PDE1A: variants seen among roughly 807,000 people sequenced by gnomAD.
The protein encoded by PDE1A is dual specificity calcium/calmodulin-dependent 3',5'-cyclic nucleotide phosphodiesterase 1A.
Under a neutral mutation model 61.7 loss-of-function variants are expected in PDE1A, and 35 were observed. That is an observed-to-expected ratio of 0.57 (90% CI 0.43 to 0.75). The LOEUF is 0.75. Among genes scored for constraint, PDE1A ranks in the 30% least tolerant of loss-of-function variants. The pLI, the probability that PDE1A is intolerant of heterozygous loss-of-function variation, is 0.00. For missense variants in PDE1A, 597 were observed against 630.6 expected, an observed-to-expected ratio of 0.95 and a Z score of 0.57; for synonymous variants, 232 against 213.2, an observed-to-expected ratio of 1.09 and a Z score of -0.77.
chr2:182,296,839 T>C (rs1160301423), intron 1 of PDE1A, among the ~76,000 whole-genome samples: 1 of 152,192 alleles, frequency 6.6e-6, no homozygotes, highest in Non-Finnish European at 1.5e-5. Context: ...ATCAATCCAT[T>C]GAAGGCCTGA....
the PDE1A span, among the ~76,000 whole-genome samples, chr2:182,553,329 C>T: frequency 2.6e-5 from 4 of 152,166 alleles, no homozygotes; most frequent in Non-Finnish European, 5.9e-5. Flanking sequence ...CTCCCAGGTT[C>T]AAGTGATTCT....
chr2:182,477,329 T>C (rs1361612543), intron 2 of PDE1A, among the ~76,000 whole-genome samples: 1 of 151,950 alleles, frequency 6.6e-6, no homozygotes, highest in Non-Finnish European at 1.5e-5. Flanking sequence ...ATTTATTGAT[T>C]ATAATAGCTG....
At chr2:182,380,938 G>A (rs980678192) in intron 1 of PDE1A, among the ~76,000 whole-genome samples, 2 of 152,140 alleles carry the variant, frequency 1.3e-5, no homozygotes, top group Admixed American at 1.3e-4. Flanking sequence ...TCAGATACAG[G>A]GCATACTGTA....
the PDE1A span, among the ~76,000 whole-genome samples, chr2:182,640,643 C>T: frequency 2.6e-5 from 4 of 151,728 alleles, no homozygotes; most frequent in Non-Finnish European, 2.9e-5. Flanking sequence ...TTAGTAGGAT[C>T]GATACTGTAA....
At chr2:182,296,128 C>T (rs749468731) in intron 1 of PDE1A, among the ~76,000 whole-genome samples, 2 of 152,110 alleles carry the variant, frequency 1.3e-5, no homozygotes, top group Non-Finnish European at 2.9e-5. Flanking sequence ...AATGTAGGCA[C>T]GTGTAACGCA....
chr2:182,300,124 T>G (rs1289563223), intron 1 of PDE1A, among the ~76,000 whole-genome samples: 2 of 152,198 alleles, frequency 1.3e-5, no homozygotes, highest in Non-Finnish European at 2.9e-5. Flanking sequence ...GAAAGAAACA[T>G]GACCCTTAAC....
chr2:182,573,710 G>T, the PDE1A span, among the ~76,000 whole-genome samples: 56 of 151,542 alleles, frequency 3.7e-4, no homozygotes, highest in African/African-American at 1.4e-3. Context: ...GGAAATGCAG[G>T]CTAGAATATT....
At chr2:182,450,516 T>C (rs1685438668) in intron 2 of PDE1A, among the ~76,000 whole-genome samples, 1 of 150,824 alleles carries the variant, frequency 6.6e-6, no homozygotes, top group African/African-American at 2.4e-5. Flanking sequence ...TAGGAAACAA[T>C]ATACCAATGA....
At chr2:182,180,479 G>C (rs1684661830) in intron 13 of PDE1A, among the ~76,000 whole-genome samples, 1 of 152,074 alleles carries the variant, frequency 6.6e-6, no homozygotes, top group African/African-American at 2.4e-5. Flanking sequence ...GCTTCCCTTT[G>C]TAGGTGACCT....
At chr2:182,354,959 T>C (rs1249229918) in intron 1 of PDE1A, among the ~76,000 whole-genome samples, 2 of 152,058 alleles carry the variant, frequency 1.3e-5, no homozygotes, top group Non-Finnish European at 2.9e-5. Flanking sequence ...ATAAGGTTCC[T>C]AGAGAACTTT....
chr2:182,170,491 G>A (rs549583328), intron 13 of PDE1A, among the ~76,000 whole-genome samples: 4 of 151,698 alleles, frequency 2.6e-5, no homozygotes, highest in African/African-American at 9.6e-5. Flanking sequence ...TTGGGGTAAG[G>A]TTTCACAGGA....
At chr2:182,423,654 A>G (rs1703419055) in intron 1 of PDE1A, among the ~76,000 whole-genome samples, 3 of 152,126 alleles carry the variant, frequency 2.0e-5, no homozygotes, top group African/African-American at 7.2e-5. Context: ...CTTCCATTTC[A>G]ATCTCCCAGG....
intron 1 of PDE1A, among the ~76,000 whole-genome samples, chr2:182,338,890 C>T (rs546478254): frequency 6.6e-6 from 1 of 152,228 alleles, no homozygotes; most frequent in African/African-American, 2.4e-5. Context: ...TTTATTTTGC[C>T]TGACTGCACC....
At chr2:182,647,259 T>G in the PDE1A span, among the ~76,000 whole-genome samples, 1 of 152,110 alleles carries the variant, frequency 6.6e-6, no homozygotes, top group Non-Finnish European at 1.5e-5. Context: ...TATGCTCTAT[T>G]AGGGTGATGC....
At chr2:182,262,027 T>C (rs981262681) in intron 2 of PDE1A, among the ~76,000 whole-genome samples, 1 of 152,170 alleles carries the variant, frequency 6.6e-6, no homozygotes, top group Non-Finnish European at 1.5e-5. Context: ...AAACATCAGA[T>C]ATTTTTAAAA....
intron 13 of PDE1A, among the ~76,000 whole-genome samples, chr2:182,171,546 G>A (rs1692214720): frequency 6.6e-6 from 1 of 151,822 alleles, no homozygotes; most frequent in Admixed American, 6.6e-5. Context: ...ATAGGTTTTG[G>A]AGAGAGAGGA....
At chr2:182,321,529 G>A (rs1047247046) in intron 1 of PDE1A, among the ~76,000 whole-genome samples, 4 of 152,014 alleles carry the variant, frequency 2.6e-5, no homozygotes, top group Non-Finnish European at 4.4e-5. Flanking sequence ...AAATACAATC[G>A]GTATCCTCCT....
chr2:182,264,429 T>C lies in PDE1A; in HGVS notation c.54-15A>G, dbSNP rs1460752299. 2 of 1,571,476 alleles carry C rather than the reference T, an allele frequency of 1.3e-6. No homozygotes were observed. The highest frequency in any genetic ancestry group is 1.7e-6 in the Non-Finnish European group (2 of 1,144,274). Reference sequence around the variant, plus strand: ...AGCATCTTAGTCTATTTCAAAAAAGTAGCCAAAGAGAGAAAGAGCAAGGAA... The same window carrying C: ...AGCATCTTAGTCTATTTCAAAAAAGCAGCCAAAGAGAGAAAGAGCAAGGAA... On this transcript the variant is annotated splice_polypyrimidine_tract_variant and intron_variant, in intron 1 of 13. Transcript: ENST00000351439.
the PDE1A span, among the ~76,000 whole-genome samples, chr2:182,558,450 T>G: frequency 6.6e-6 from 1 of 152,124 alleles, no homozygotes; most frequent in Non-Finnish European, 1.5e-5. Flanking sequence ...TAATATAAAA[T>G]AAAACAAAAT....
Sources: gnomAD v4.1 joint callset for allele counts (sites outside exome capture counted in the v4.1 genomes callset) on GRCh38, gnomAD v4.1.1 for gene constraint, MANE v1.5 for transcripts, NCBI Gene and HGNC (gene_info 2026-07-23, HGNC 2026-07-21) for gene names.